SPAG16: variants seen among roughly 807,000 people sequenced by gnomAD.
The protein encoded by SPAG16 is sperm associated antigen 16.
A neutral mutation model predicts 80.4 loss-of-function variants in SPAG16; 86 were observed. That is an observed-to-expected ratio of 1.07 (90% CI 0.90 to 1.28). The LOEUF (loss-of-function observed/expected upper bound fraction) is 1.28, where lower values mean the gene tolerates loss of function less well. Ranked by LOEUF, SPAG16 falls within the 50% of genes most tolerant of loss-of-function variation. The probability of loss-of-function intolerance (pLI) is 0.00; values close to 1 mark genes in which losing one functional copy is unlikely to be tolerated. For synonymous variants in SPAG16, 294 were observed against 265.9 expected (o/e 1.11, Z -1.03); for missense variants, 870 against 765.3 (o/e 1.14, Z -1.61).
At chr2:213,318,920 A>G (rs2063510374) in intron 5 of SPAG16, among the ~76,000 whole-genome samples, 1 of 151,974 alleles carries the variant, frequency 6.6e-6, no homozygotes, top group Non-Finnish European at 1.5e-5. Context: ...TTCCTGGCAT[A>G]AATTTATTCA....
chr2:214,199,938 G>A (rs2057960760), intron 15 of SPAG16, among the ~76,000 whole-genome samples: 1 of 152,110 alleles, frequency 6.6e-6, no homozygotes, highest in Non-Finnish European at 1.5e-5. Flanking sequence ...ACTGATTTGT[G>A]TACACTGATT....
chr2:213,500,104 G>GC (rs1272753571), intron 10 of SPAG16, among the ~76,000 whole-genome samples: 1 of 151,992 alleles, frequency 6.6e-6, no homozygotes, highest in Admixed American at 6.6e-5. Context: ...GATTCTTTTG[G>GC]CACCTGTATT....
At chr2:213,505,941 A>C (rs2074950853) in intron 10 of SPAG16, among the ~76,000 whole-genome samples, 2 of 151,616 alleles carry the variant, frequency 1.3e-5, no homozygotes, top group African/African-American at 4.8e-5. Context: ...ATAATATATC[A>C]TCATTTTTAT....
At chr2:213,342,015 T>A (rs2064710340) in intron 6 of SPAG16, among the ~76,000 whole-genome samples, 1 of 152,134 alleles carries the variant, frequency 6.6e-6, no homozygotes, top group Non-Finnish European at 1.5e-5. Flanking sequence ...TGTTTCCTTG[T>A]TATATTCCAG....
At chr2:213,549,367 ATAGT>A (rs1276376732) in intron 10 of SPAG16, among the ~76,000 whole-genome samples, 1 of 152,118 alleles carries the variant, frequency 6.6e-6, no homozygotes, top group Non-Finnish European at 1.5e-5. Context: ...AGGTATTTTA[ATAGT>A]TAATTTTGAC....
intron 13 of SPAG16, among the ~76,000 whole-genome samples, chr2:214,062,107 T>C (rs1256395602): frequency 6.6e-6 from 1 of 151,812 alleles, no homozygotes; most frequent in East Asian, 1.9e-4. Flanking sequence ...TTAATAGACA[T>C]CTTAAAGTTA....
rs1334824761 is a variant in SPAG16 at position 214,014,089 on chromosome 2, A to G, written c.1527+12A>G. 1 of 1,611,246 alleles carries G rather than the reference A, an allele frequency of 6.2e-7. No homozygotes were observed. Among genetic ancestry groups the G allele is most frequent in the South Asian group, 1.1e-5 (1 of 90,864 alleles). The stretch of plus-strand genomic sequence containing the variant: ...GGGATGCAAGAACAGTAAGCAAATC[A>G]TTCACTTTTTTTCCCAGCTTTTGAT... On this transcript the variant is annotated intron_variant, in intron 13 of 15. Transcript: ENST00000331683.
intron 9 of SPAG16, among the ~76,000 whole-genome samples, chr2:213,469,287 A>T (rs1387714666): frequency 6.6e-6 from 1 of 152,216 alleles, no homozygotes; most frequent in South Asian, 2.1e-4. Context: ...ACCAATCCCC[A>T]ACCCAAATAC....
chr2:213,999,031 C>A (rs899934664), intron 12 of SPAG16, among the ~76,000 whole-genome samples: 4 of 152,064 alleles, frequency 2.6e-5, no homozygotes, highest in African/African-American at 9.7e-5. Flanking sequence ...TGCAGCCTGA[C>A]AATGTGATAA....
At chr2:213,316,811 C>G (rs1280556126) in intron 4 of SPAG16, among the ~76,000 whole-genome samples, 1 of 151,964 alleles carries the variant, frequency 6.6e-6, no homozygotes, top group Admixed American at 6.6e-5. Context: ...CATGCCCACC[C>G]TATGTAAAAT....
intron 10 of SPAG16, among the ~76,000 whole-genome samples, chr2:213,651,798 C>T (rs1005942827): frequency 6.6e-6 from 1 of 152,104 alleles, no homozygotes; most frequent in South Asian, 2.1e-4. Flanking sequence ...TGTGTGTATA[C>T]AATTGATTAA....
intron 15 of SPAG16, among the ~76,000 whole-genome samples, chr2:214,363,091 T>G (rs73089214): frequency 0.017 from 2,638 of 152,030 alleles, 76 homozygotes; most frequent in African/African-American, 0.06. Context: ...AATCTCTACC[T>G]TTTTGTTATT....
rs573563488 is a variant in SPAG16, at chr2:214,108,095, G to A, written c.1528-101G>A. 39 of 804,206 alleles carry A rather than the reference G, an allele frequency of 4.8e-5. No individual in the cohort carries two copies. In the African/African-American group the frequency reaches 6.4e-4, roughly 13 times the overall value. The allele number at this position is 804,206 out of a possible 1,614,324, so 49.8% of individuals were successfully genotyped here. A position where few individuals can be genotyped will look rare whatever the true frequency, so the allele number is the denominator to read the frequency against. ...TGGTGAGAATGTATTAATTCTGGGA[G>A]GAGGGGCTAAAAATTACTTTAAAAC... On this transcript the variant is annotated intron_variant, in intron 13 of 15. Coordinates refer to ENST00000331683, the MANE Select transcript of SPAG16 (RefSeq NM_024532.5).
chr2:214,298,097 T>C (rs1237169698), intron 15 of SPAG16, among the ~76,000 whole-genome samples: 2 of 141,850 alleles, frequency 1.4e-5, no homozygotes, highest in African/African-American at 2.6e-5. Flanking sequence ...TATATATGTA[T>C]GCATATATAT....
intron 10 of SPAG16, among the ~76,000 whole-genome samples, chr2:213,740,851 T>C (rs1443601290): frequency 6.6e-6 from 1 of 152,204 alleles, no homozygotes; most frequent in African/African-American, 2.4e-5. Context: ...TTCACTATCA[T>C]TTATTGACAG....
At chr2:213,546,076 A>T (rs575924507) in intron 10 of SPAG16, among the ~76,000 whole-genome samples, 37 of 152,218 alleles carry the variant, frequency 2.4e-4, no homozygotes, top group African/African-American at 7.7e-4. Context: ...TAAAAATAAT[A>T]TATCTTGCAA....
At chr2:213,686,276 G>A (rs1009035677) in intron 10 of SPAG16, among the ~76,000 whole-genome samples, 4 of 152,090 alleles carry the variant, frequency 2.6e-5, no homozygotes, top group Non-Finnish European at 5.9e-5. Context: ...ACACCACCAT[G>A]CCCAGCTAAT....
At chr2:214,053,145 C>T (rs2049750992) in intron 13 of SPAG16, among the ~76,000 whole-genome samples, 1 of 152,124 alleles carries the variant, frequency 6.6e-6, no homozygotes, top group South Asian at 2.1e-4. Flanking sequence ...GGAAGGCATG[C>T]AATTCGAGCA....
At chr2:214,284,576 A>G (rs17818571) in intron 15 of SPAG16, among the ~76,000 whole-genome samples, 60,466 of 152,138 alleles carry the variant, frequency 0.4, 14,693 homozygotes, top group South Asian at 0.58. Context: ...TGTCCACTGA[A>G]AAGAAAAAGT....
Sources: gnomAD v4.1 joint callset for allele counts (sites outside exome capture counted in the v4.1 genomes callset) on GRCh38, gnomAD v4.1.1 for gene constraint, MANE v1.5 for transcripts, NCBI Gene and HGNC (gene_info 2026-07-23, HGNC 2026-07-21) for gene names.